Variants in PACS1 observed in about 807,000 individuals in gnomAD.
The protein encoded by PACS1 is PACS-1.
In PACS1, 24 loss-of-function variants were observed where a neutral mutation model predicts 115.0. That is an observed-to-expected ratio of 0.21 (90% CI 0.15 to 0.29). The LOEUF (loss-of-function observed/expected upper bound fraction) is 0.29, where lower values mean the gene tolerates loss of function less well. PACS1 is among the 10% of genes least tolerant of loss of function. The probability of loss-of-function intolerance (pLI) is 1.00; values close to 1 mark genes in which losing one functional copy is unlikely to be tolerated. For synonymous variants in PACS1, 453 were observed against 504.5 expected (o/e 0.90, Z 1.37); for missense variants, 838 against 1,251.2 (o/e 0.67, Z 4.98).
At chr11:66,224,609 C>T (rs921484655) in intron 10 of PACS1, among the ~76,000 whole-genome samples, 4 of 152,184 alleles carry the variant, frequency 2.6e-5, no homozygotes, top group African/African-American at 9.7e-5. Context: ...CCTTCAAATT[C>T]TGGTTCCCTT....
chr11:66,222,267 G>T (rs1158859940), intron 10 of PACS1, among the ~76,000 whole-genome samples: 1 of 152,168 alleles, frequency 6.6e-6, no homozygotes, highest in Admixed American at 6.5e-5. Context: ...TGCTCAGGAG[G>T]CCCTAGTAGG....
intron 1 of PACS1, among the ~76,000 whole-genome samples, chr11:66,129,693 G>C (rs1858660509): frequency 6.6e-6 from 1 of 151,928 alleles, no homozygotes; most frequent in Non-Finnish European, 1.5e-5. Context: ...CCAGGCAGCA[G>C]GGATTACCTG....
intron 13 of PACS1, among the ~76,000 whole-genome samples, chr11:66,231,207 G>A (rs1309601760): frequency 2.0e-5 from 3 of 152,260 alleles, no homozygotes; most frequent in Admixed American, 6.5e-5. Flanking sequence ...CCACGGCTGC[G>A]AGTGTCGATT....
intron 19 of PACS1, among the ~76,000 whole-genome samples, chr11:66,237,899 C>T (rs901162176): frequency 3.3e-5 from 5 of 152,192 alleles, no homozygotes; most frequent in African/African-American, 1.2e-4. Context: ...CAAACACAGC[C>T]TTGCTGTCGC....
rs143862969 is a variant in PACS1, at chr11:66,163,780, A to T, written c.357-29706A>T. 8.4e-4 allele frequency among the ~76,000 whole-genome samples: 128 copies of T among 152,290 alleles called. 1 individual carries two copies. The highest frequency in any genetic ancestry group is 3.0e-3 in the African/African-American group (124 of 41,574). On this transcript the variant is annotated intron_variant, in intron 1 of 23. Transcript: ENST00000320580. ...GCTGTTTGTTTCTAAAGCAAAATATAGGTCTTGCCTTGAGGTGGGATAGAT... is the reference window on the plus strand; with the variant it reads ...GCTGTTTGTTTCTAAAGCAAAATATTGGTCTTGCCTTGAGGTGGGATAGAT...
In PACS1 at chr11:66,193,583, G is replaced by C. The variant is rs376801228; in HGVS notation, c.444+10G>C. On this transcript the variant is annotated intron_variant, in intron 2 of 23. Transcript: ENST00000320580. ...CGCTGTGAAGCTGCAGGTGAGTGGG[G>C]CAGGACTGTTTGTTCAGGGCCCAGG... 1.0e-5 allele frequency: 16 copies of C among 1,602,168 alleles called. No homozygotes were observed. The African/African-American group carries it at 2.0e-4, about 20-fold the overall frequency.
At chr11:66,128,095 C>A (rs1454862703) in intron 1 of PACS1, among the ~76,000 whole-genome samples, 3 of 151,908 alleles carry the variant, frequency 2.0e-5, no homozygotes, top group African/African-American at 2.4e-5. Context: ...AGAAAAAAGC[C>A]TCTATAGATA....
intron 2 of PACS1, among the ~76,000 whole-genome samples, chr11:66,205,323 T>C (rs980979657): frequency 3.9e-5 from 6 of 151,948 alleles, no homozygotes; most frequent in African/African-American, 1.5e-4. Flanking sequence ...TTTTAATGTT[T>C]TAAAGATCTG....
At chr11:66,095,435 C>T (rs1857758205) in intron 1 of PACS1, among the ~76,000 whole-genome samples, 1 of 152,082 alleles carries the variant, frequency 6.6e-6, no homozygotes, top group South Asian at 2.1e-4. Flanking sequence ...CATGAGTGAA[C>T]TCCCATTCAC....
chr11:66,240,315 G>T (rs2134750527), intron 21 of PACS1, among the ~76,000 whole-genome samples: 1 of 152,256 alleles, frequency 6.6e-6, no homozygotes, highest in East Asian at 1.9e-4. Flanking sequence ...CAGAGAGAGG[G>T]TGGAGGGGTG....
intron 1 of PACS1, among the ~76,000 whole-genome samples, chr11:66,132,360 A>G (rs1004798994): frequency 6.6e-6 from 1 of 152,170 alleles, no homozygotes; most frequent in Non-Finnish European, 1.5e-5. Context: ...CTGCGAGTCA[A>G]TTAAAACCCT....
At position 66,211,268 on chromosome 11, in the gene PACS1, AAC is replaced by A; in HGVS notation, c.660+13_660+14del. On this transcript the variant is annotated intron_variant, in intron 4 of 23. Coordinates refer to ENST00000320580, the MANE Select transcript of PACS1 (RefSeq NM_018026.4). ...TCATCAACATGGCAGAGGTGAGAGG[AAC>A]ACAGTCTCCAGACTGTTGGCCTTTG... The A allele has an allele frequency of 1.2e-6, 2 of 1,613,182 alleles. No homozygotes were observed. The highest frequency in any genetic ancestry group is 1.7e-6 in the Non-Finnish European group (2 of 1,179,316).
chr11:66,193,334 G>T (rs1590809698), intron 1 of PACS1, 152 bp from the exon 2 acceptor site: 1 of 561,530 alleles, frequency 1.8e-6, no homozygotes. Flanking sequence ...AGTAAGAGGG[G>T]ATGCTCTTCT....
At chr11:66,192,890 T>C (rs1201600420) in intron 1 of PACS1, among the ~76,000 whole-genome samples, 1 of 152,250 alleles carries the variant, frequency 6.6e-6, no homozygotes, top group African/African-American at 2.4e-5. Context: ...GAAGATTTTC[T>C]GCATATTTGG....
At chr11:66,163,350 C>CAAAAAA in intron 1 of PACS1, among the ~76,000 whole-genome samples, 1 of 58,018 alleles carries the variant, frequency 1.7e-5, no homozygotes, top group Non-Finnish European at 4.0e-5. Context: ...GACCCTGTCT[C>CAAAAAA]AAAAAAAAAA....
At chr11:66,128,964 G>A (rs1456410410) in intron 1 of PACS1, among the ~76,000 whole-genome samples, 1 of 151,990 alleles carries the variant, frequency 6.6e-6, no homozygotes, top group Non-Finnish European at 1.5e-5. Context: ...AAGGGGTGGC[G>A]TGGCTGCAGA....
At chr11:66,130,650 G>A (rs1395873160) in intron 1 of PACS1, among the ~76,000 whole-genome samples, 2 of 151,984 alleles carry the variant, frequency 1.3e-5, no homozygotes, top group Non-Finnish European at 2.9e-5. Flanking sequence ...ATGTTTTTCA[G>A]TTCTGTTGGT....
intron 1 of PACS1, among the ~76,000 whole-genome samples, chr11:66,181,374 A>G (rs10791853): frequency 0.24 from 36,588 of 151,416 alleles, 4,835 homozygotes; most frequent in East Asian, 0.44. Flanking sequence ...CACCACACCC[A>G]GCTAATTTTT....
At chr11:66,091,715 C>G (rs1167133445) in intron 1 of PACS1, among the ~76,000 whole-genome samples, 1 of 151,242 alleles carries the variant, frequency 6.6e-6, no homozygotes, top group African/African-American at 2.4e-5. Flanking sequence ...TGTTCCCCTT[C>G]CTGTGTCCAT....
Sources: allele counts gnomAD v4.1 joint callset (sites outside exome capture counted in the v4.1 genomes callset), GRCh38; gene constraint gnomAD v4.1.1; transcripts MANE v1.5; gene names NCBI Gene and HGNC (gene_info 2026-07-23, HGNC 2026-07-21).